The following ANO1 variants were observed in gnomAD, a reference collection of about 807,000 sequenced individuals.
ANO1 encodes the protein anoctamin 1, also known as anoctamin-1.
ANO1 carries 59 observed loss-of-function variants against 124.0 expected under a neutral mutation model. The ratio of observed to expected loss-of-function variants is 0.48; its 90% CI spans 0.39 to 0.59. The LOEUF (loss-of-function observed/expected upper bound fraction) is 0.59. Among genes scored for constraint, ANO1 ranks in the 20% least tolerant of loss-of-function variants. The pLI, the probability that ANO1 is intolerant of heterozygous loss-of-function variation, is 0.00. For missense variants in ANO1, 1,059 were observed against 1,328.0 expected (o/e 0.80, Z 3.15); for synonymous variants, 529 against 532.0 (o/e 0.99, Z 0.08).
intron 2 of ANO1, among the ~76,000 whole-genome samples, chr11:70,088,779 C>T (rs561108091): frequency 1.8e-4 from 28 of 152,222 alleles, no homozygotes; most frequent in African/African-American, 6.3e-4. Context: ...TGGATGGGGT[C>T]GGCCCTTCTC....
intron 21 of ANO1, among the ~76,000 whole-genome samples, chr11:70,169,656 G>A (rs1309996252): frequency 6.6e-6 from 1 of 152,088 alleles, no homozygotes; most frequent in Non-Finnish European, 1.5e-5. Context: ...CCCTCCAGGG[G>A]CCTCAGGCAG....
chr11:70,188,140 A>C lies in ANO1; in HGVS notation c.*136A>C. On this transcript the variant is annotated 3_prime_UTR_variant, in exon 26 of 26. Coordinates refer to ENST00000355303, the MANE Select transcript of ANO1 (RefSeq NM_018043.7). ...TGCAAACATGGAGGACCACTTTCTG[A>C]TAGGACATTTTCCTTTCTTCTTTCT... The C allele has an allele frequency of 1.0e-6, 1 of 995,830 alleles. No homozygotes were observed. The highest frequency in any genetic ancestry group is 1.4e-6 in the Non-Finnish European group (1 of 698,714). 61.7% of individuals were successfully genotyped at this position (995,830 alleles called of 1,614,324 possible).
At chr11:70,186,374 G>A (rs559936779) in intron 25 of ANO1, among the ~76,000 whole-genome samples, 42 of 151,136 alleles carry the variant, frequency 2.8e-4, no homozygotes, top group African/African-American at 9.2e-4. Flanking sequence ...AAGGAAGGAA[G>A]GAAGGAAGGA....
At chr11:70,088,955 G>A (rs80169240) in intron 2 of ANO1, among the ~76,000 whole-genome samples, 3,442 of 152,264 alleles carry the variant, frequency 0.023, 118 homozygotes, top group African/African-American at 0.079. Context: ...AGAACAAAAG[G>A]TCGACCCCCC....
chr11:70,123,564 G>A (rs1050213706), intron 8 of ANO1, among the ~76,000 whole-genome samples: 22 of 152,162 alleles, frequency 1.4e-4, no homozygotes, highest in African/African-American at 3.4e-4. Flanking sequence ...CCCCAGAATG[G>A]GCTCTGAGCT....
chr11:70,041,204 G>A (rs775813297), intron 1 of ANO1, among the ~76,000 whole-genome samples: 87 of 152,222 alleles, frequency 5.7e-4, no homozygotes, highest in Admixed American at 1.2e-3. Flanking sequence ...CAATTTATCT[G>A]CAAAAAAATA....
At chr11:70,075,253 G>T (rs779956085), upstream of ANO1, 1 of 152,236 alleles carries the variant, frequency 6.6e-6, no homozygotes. Flanking sequence ...GTTGAAAAGG[G>T]CTCCCCTGTG....
Position 70,019,484 on chromosome 11 carries a change from C to T in ANO1, c.58+33318C>T, listed in dbSNP as rs114395670. 2.8e-3 allele frequency among the ~76,000 whole-genome samples: 432 copies of T among 152,314 alleles called. 1 individual carries two copies. Among genetic ancestry groups the T allele is most frequent in the African/African-American group, 0.01 (416 of 41,570 alleles). ...TCCAGGTTTTCCCCCAGTGCCCCTT[C>T]AGACCTGCCCTCTGGGTGTGCAGGA... is the stretch of plus-strand genomic sequence containing the variant. On this transcript the variant is annotated intron_variant, in intron 1 of 27. Transcript: ENST00000531349.
At chr11:69,967,837 C>T in the ANO1 span, among the ~76,000 whole-genome samples, 1 of 152,182 alleles carries the variant, frequency 6.6e-6, no homozygotes, top group Non-Finnish European at 1.5e-5. Context: ...AGAGTCCTAG[C>T]CCGAGGCCTG....
chr11:69,987,544 G>A (rs1319787476), intron 1 of ANO1, among the ~76,000 whole-genome samples: 1 of 146,196 alleles, frequency 6.8e-6, no homozygotes, highest in Non-Finnish European at 1.5e-5. Context: ...GCTTGAGCCC[G>A]CAGTGTGCCT....
At chr11:70,113,513 G>T (rs866622894) in intron 7 of ANO1, among the ~76,000 whole-genome samples, 2 of 152,048 alleles carry the variant, frequency 1.3e-5, no homozygotes, top group Non-Finnish European at 2.9e-5. Context: ...GACCCAGCCG[G>T]TCTGGTTGTT....
chr11:70,113,671 C>T (rs182230528), intron 7 of ANO1, among the ~76,000 whole-genome samples: 1 of 152,062 alleles, frequency 6.6e-6, no homozygotes, highest in African/African-American at 2.4e-5. Context: ...GCTGAGGCAC[C>T]GAAGCCAAAA....
At chr11:70,021,518 C>T (rs4980739) in intron 1 of ANO1, among the ~76,000 whole-genome samples, 3 of 150,580 alleles carry the variant, frequency 2.0e-5, no homozygotes, top group African/African-American at 4.9e-5. Flanking sequence ...TAAACAGAAA[C>T]AGAATGGAAA....
chr11:70,103,318 G>A (rs543205153), intron 3 of ANO1, among the ~76,000 whole-genome samples, 154 bp downstream of exon 3: 86 of 151,836 alleles, frequency 5.7e-4, no homozygotes, highest in African/African-American at 1.9e-3. Flanking sequence ...CATGTGGCTC[G>A]ATGTGACAAG....
At chr11:70,132,224 C>T in intron 11 of ANO1, 145 bp downstream of exon 11, 1 of 1,144,924 alleles carries the variant, frequency 8.7e-7, no homozygotes, top group Non-Finnish European at 1.2e-6. Flanking sequence ...TGGAAACGAC[C>T]CCTGTTTTGT....
intron 19 of ANO1, among the ~76,000 whole-genome samples, chr11:70,164,228 C>G (rs1185625870): frequency 6.6e-6 from 1 of 152,186 alleles, no homozygotes; most frequent in African/African-American, 2.4e-5. Flanking sequence ...TTCCAACCCA[C>G]AGAGTAATTC....
At chr11:70,039,975 G>A (rs546744270) in intron 1 of ANO1, among the ~76,000 whole-genome samples, 5 of 152,238 alleles carry the variant, frequency 3.3e-5, no homozygotes, top group South Asian at 2.1e-4. Context: ...AGAAGGAGTA[G>A]CAGAGCAAAT....
intron 16 of ANO1, among the ~76,000 whole-genome samples, chr11:70,159,922 T>C (rs2047980669): frequency 1.3e-5 from 2 of 152,216 alleles, no homozygotes; most frequent in African/African-American, 2.4e-5. Flanking sequence ...CTGCAGGCAT[T>C]TTCCTGGGCA....
rs184407787 is a variant in ANO1, at chr11:70,078,821, C to A, written c.108+107C>A. ...CCTCCTGGGACCCCAGGGCGGGGGCCGCACCCTCCGCGCAGGGTTCGCGGC... is the reference window on the plus strand; with the variant it reads ...CCTCCTGGGACCCCAGGGCGGGGGCAGCACCCTCCGCGCAGGGTTCGCGGC... On this transcript the variant is annotated intron_variant, in intron 1 of 25. Coordinates refer to ENST00000355303, the MANE Select transcript of ANO1 (RefSeq NM_018043.7). 6 of 566,068 alleles carry A rather than the reference C, an allele frequency of 1.1e-5. No individual in the cohort carries two copies. The Admixed American group carries it at 3.3e-4, about 31-fold the overall frequency. 35.1% of individuals were successfully genotyped at this position (566,068 alleles called of 1,614,324 possible).
Sources: allele counts gnomAD v4.1 joint callset (sites outside exome capture counted in the v4.1 genomes callset), GRCh38; gene constraint gnomAD v4.1.1; transcripts MANE v1.5; gene names NCBI Gene and HGNC (gene_info 2026-07-23, HGNC 2026-07-21).